Variants in ZZEF1 observed in about 807,000 individuals in gnomAD.
ZZEF1 encodes zinc finger ZZ-type and EF-hand domain containing 1.
ZZEF1 carries 157 observed loss-of-function variants against 342.8 expected under a neutral mutation model. The observed-to-expected ratio is 0.46, with a 90% CI of 0.40 to 0.52. ZZEF1 has a LOEUF of 0.52. Among genes scored for constraint, ZZEF1 ranks in the 20% least tolerant of loss-of-function variants. The pLI, the probability that ZZEF1 is intolerant of heterozygous loss-of-function variation, is 0.00. For synonymous variants in ZZEF1, 1,505 were observed against 1,429.1 expected (o/e 1.05, Z -1.20); for missense variants, 3,480 against 3,725.6 (o/e 0.93, Z 1.72).
intron 42 of ZZEF1, among the ~76,000 whole-genome samples, chr17:4,029,747 G>A (rs1354537393): frequency 6.6e-6 from 1 of 151,862 alleles, no homozygotes; most frequent in Non-Finnish European, 1.5e-5. Flanking sequence ...AGTGGCATGT[G>A]CCTGTAATCT....
At chr17:4,007,113 G>A in intron 54 of ZZEF1, 143 bp from the exon 55 acceptor site, 1 of 688,346 alleles carries the variant, frequency 1.5e-6, no homozygotes, top group Middle Eastern at 3.8e-4. Context: ...CAGGCCTGCA[G>A]AGTGGAGAGA....
intron 45 of ZZEF1, among the ~76,000 whole-genome samples, chr17:4,020,188 G>A (rs1178162567): frequency 6.6e-6 from 1 of 152,120 alleles, no homozygotes; most frequent in East Asian, 1.9e-4. Flanking sequence ...GGAGTGCAGT[G>A]GTGTGATCAT....
Position 4,005,869 on chromosome 17 carries a change from G to A in ZZEF1, c.*1021C>T, listed in dbSNP as rs1268210397. On this transcript the variant is annotated 3_prime_UTR_variant, in exon 55 of 55. Coordinates refer to ENST00000381638, the MANE Select transcript of ZZEF1 (RefSeq NM_015113.4). ...TGGCTCTGGAGGGAGAATCATCATC[G>A]GCACTCCAGGGCAAGACTAAACCCA... 5.3e-5 allele frequency: 8 copies of A among 152,196 alleles called. No individual in the cohort carries two copies. The highest frequency in any genetic ancestry group is 1.9e-4 in the African/African-American group (8 of 41,442). 9.4% of individuals were successfully genotyped at this position (152,196 alleles called of 1,614,324 possible).
chr17:4,096,618 T>C lies in ZZEF1; in HGVS notation c.1755A>G (p.Ile585Met), dbSNP rs2058038262. The C allele has an allele frequency of 1.9e-6, 3 of 1,613,792 alleles. No homozygotes were observed. Among genetic ancestry groups the C allele is most frequent in the East Asian group, 4.5e-5 (2 of 44,882 alleles). The change falls in exon 10 of 55, where the codon ATA (isoleucine) becomes ATG (methionine). Residue 585 changes from isoleucine (I) to methionine (M), a missense_variant. Physicochemically the swap from Ile to Met is conservative, Grantham distance 10. Around this residue, in one of 5 missense-constraint regions of ZZEF1, gnomAD observed 1,528 missense variants for 1,624.1 expected, o/e 0.94. Coordinates refer to ENST00000381638, the MANE Select transcript of ZZEF1 (RefSeq NM_015113.4). ...GTESAFQVTQ[I>M]RIMVRRGGIG... The stretch of plus-strand genomic sequence containing the variant: ...GTAGCACGAAAATTACCATAATTCT[T>C]ATCTGTGTAACTTGGAAGGCAGATT...
Position 4,005,628 on chromosome 17 carries a change from G to A in ZZEF1, c.*1262C>T, listed in dbSNP as rs964221630. The A allele has an allele frequency of 5.9e-5, 9 of 152,374 alleles. No homozygotes were observed. Among genetic ancestry groups the A allele is most frequent in the Admixed American group, 5.9e-4 (9 of 15,290 alleles). 9.4% of individuals were successfully genotyped at this position (152,374 alleles called of 1,614,324 possible). On this transcript the variant is annotated 3_prime_UTR_variant, in exon 55 of 55. Transcript: ENST00000381638. The stretch of plus-strand genomic sequence containing the variant: ...TCCAGATCCCTGCAGACCCTGCACA[G>A]AGGGATCTTCAGAGGCCACGGGGCA...
At position 4,034,275 on chromosome 17, in the gene ZZEF1, CAG is replaced by C. The variant is rs752472243; in HGVS notation, c.6322_6323del (p.Leu2108AspfsTer23). The C allele has an allele frequency of 6.2e-7, 1 of 1,614,180 alleles. No homozygotes were observed. The highest frequency in any genetic ancestry group is 1.1e-5 in the South Asian group (1 of 91,082). On this transcript the variant is annotated frameshift_variant, in exon 40 of 55. Coordinates refer to ENST00000381638, the MANE Select transcript of ZZEF1 (RefSeq NM_015113.4). LOFTEE classifies it high-confidence loss of function. ...GTGGAAGGACGTGCTCCAGGTCTAT[CAG>C]GGGAACCGTGGGGCCCTGCCAAGAG... ...PPLKSGPTVP[L>X]IDLEHVLPLM...
At position 4,060,822 on chromosome 17, in the gene ZZEF1, C is replaced by G. The variant is rs113313917; in HGVS notation, c.4884-1532G>C. On this transcript the variant is annotated intron_variant, in intron 30 of 54. Transcript: ENST00000381638. ...AGCCAACTTGTGGACACCGTGTGTC[C>G]TATTTCCTCACTACTACAGATAAGA... Among the ~76,000 whole-genome samples, 116 of 152,308 alleles carry G rather than the reference C, an allele frequency of 7.6e-4. 2 individuals are homozygous for G. Among genetic ancestry groups the G allele is most frequent in the African/African-American group, 2.6e-3 (110 of 41,556 alleles).
In ZZEF1 at chr17:4,004,545, A is replaced by G. The variant is rs1343964974; in HGVS notation, c.*2345T>C. Reference sequence around the variant, plus strand: ...ACAGGCTGAACTCACTCAGGCTGATAGAATCAAAATTCTTTCAACCAAATA... The same window carrying G: ...ACAGGCTGAACTCACTCAGGCTGATGGAATCAAAATTCTTTCAACCAAATA... On this transcript the variant is annotated 3_prime_UTR_variant, in exon 55 of 55. Coordinates refer to ENST00000381638, the MANE Select transcript of ZZEF1 (RefSeq NM_015113.4). 6.6e-6 allele frequency: 1 copy of G among 152,626 alleles called. No individual in the cohort carries two copies. The highest frequency in any genetic ancestry group is 1.5e-5 in the Non-Finnish European group (1 of 68,050). 9.5% of individuals were successfully genotyped at this position (152,626 alleles called of 1,614,324 possible). A position where few individuals can be genotyped will look rare whatever the true frequency, so the allele number is the denominator to read the frequency against.
chr17:4,050,660 C>T, intron 36 of ZZEF1, 121 bp downstream of exon 36: 1 of 1,420,436 alleles, frequency 7.0e-7, no homozygotes. Flanking sequence ...CAGGGTAAGC[C>T]CCTTTTGTGG....
At chr17:4,009,272 CTA>C in intron 53 of ZZEF1, 1 of 563,080 alleles carries the variant, frequency 1.8e-6, no homozygotes, top group Non-Finnish European at 3.2e-6. Flanking sequence ...TTCAATCAGT[CTA>C]TTGTGCTGAG....
chr17:4,135,154 A>G (rs1172116432), intron 1 of ZZEF1, among the ~76,000 whole-genome samples: 1 of 152,166 alleles, frequency 6.6e-6, no homozygotes, highest in Non-Finnish European at 1.5e-5. Flanking sequence ...AAGCTCTCTT[A>G]TGTGTGGGAC....
intron 28 of ZZEF1, 26 bp from the exon 29 acceptor site, chr17:4,064,855 G>C: frequency 9.6e-7 from 1 of 1,038,942 alleles, no homozygotes; most frequent in Non-Finnish European, 1.3e-6. Flanking sequence ...AATCATAATT[G>C]AAAAAAAAAA....
rs545114166 is a variant in ZZEF1, at chr17:4,052,703, T to C, written c.5435-567A>G. Among the ~76,000 whole-genome samples, 266 of 152,250 alleles carry C rather than the reference T, an allele frequency of 1.7e-3. 1 individual carries two copies. The highest frequency in any genetic ancestry group is 3.2e-3 in the Non-Finnish European group (221 of 68,008). ...GCAATATGGTGAAACCTCGTCTCTA[T>C]TGAAAATACAAAAATTAGCCACGTG... On this transcript the variant is annotated intron_variant, in intron 34 of 54. Transcript: ENST00000381638.
chr17:4,075,549 C>T (rs1265155725), intron 21 of ZZEF1, 120 bp from the exon 22 acceptor site: 4 of 1,138,488 alleles, frequency 3.5e-6, no homozygotes, highest in South Asian at 1.6e-5. Flanking sequence ...CTGCACAAAC[C>T]AGCAGGCAGG....
chr17:4,060,858 TTCAA>T (rs2057272991), intron 30 of ZZEF1, among the ~76,000 whole-genome samples: 1 of 152,162 alleles, frequency 6.6e-6, no homozygotes, highest in Non-Finnish European at 1.5e-5. Context: ...GCCTCCCTGG[TTCAA>T]TCAAAGGCCA....
Position 4,142,702 on chromosome 17 carries a change from G to A in ZZEF1, c.194C>T (p.Pro65Leu), listed in dbSNP as rs907460324. 3 of 1,601,592 alleles carry A rather than the reference G, an allele frequency of 1.9e-6. No homozygotes were observed. Among genetic ancestry groups the A allele is most frequent in the African/African-American group, 1.3e-5 (1 of 74,704 alleles). The part of the protein sequence containing the change: ...RLREAAAALL[P>L]TPPCESLVSR... Reference sequence around the variant, plus strand: ...CACCAGCGACTCGCAGGGGGGTGTGGGCAGCAACGCTGCAGCAGCCTCTCG... The same window carrying A: ...CACCAGCGACTCGCAGGGGGGTGTGAGCAGCAACGCTGCAGCAGCCTCTCG... Residue 65 changes from proline (P) to leucine (L), a missense_variant, in exon 1 of 55, where the codon CCC becomes CTC. By Grantham distance (98) the Pro-to-Leu change is moderately conservative. Coordinates refer to ENST00000381638, the MANE Select transcript of ZZEF1 (RefSeq NM_015113.4).
chr17:4,077,554 G>A (rs925068657), intron 19 of ZZEF1, among the ~76,000 whole-genome samples: 11 of 152,180 alleles, frequency 7.2e-5, no homozygotes, highest in African/African-American at 2.4e-4. Flanking sequence ...TTCATTTTTA[G>A]ATGACTTGAT....
Position 4,016,281 on chromosome 17 carries a change from C to T in ZZEF1, c.8145+42G>A, listed in dbSNP as rs369547738. On this transcript the variant is annotated intron_variant, in intron 49 of 54. Transcript: ENST00000381638. The surrounding 1 kb of genome is among the most constrained non-coding windows in gnomAD (Gnocchi z 4.4). ...CACGGAGGGGCTGACGAGGTCTCTG[C>T]GGCTCAGTCGCTCTTATGGGGCCTG... The T allele has an allele frequency of 3.5e-5, 56 of 1,583,852 alleles. No homozygotes were observed. Among genetic ancestry groups the T allele is most frequent in the African/African-American group, 8.2e-5 (6 of 73,466 alleles).
chr17:4,137,375 C>T (rs1350631934), intron 1 of ZZEF1, among the ~76,000 whole-genome samples: 1 of 152,174 alleles, frequency 6.6e-6, no homozygotes, highest in Non-Finnish European at 1.5e-5. Context: ...CTTTGGGAGG[C>T]CGAGGTGGGC....
Sources: gnomAD v4.1 joint callset for allele counts (sites outside exome capture counted in the v4.1 genomes callset) on GRCh38, gnomAD v4.1.1 for gene constraint, gnomAD v4.1.1 regional missense constraint, Gnocchi (gnomAD v3.1) non-coding constraint, MANE v1.5 for transcripts, NCBI Gene and HGNC (gene_info 2026-07-23, HGNC 2026-07-21) for gene names.